ABCA9: variants seen among roughly 807,000 people sequenced by gnomAD.
ABCA9 encodes ATP-binding cassette sub-family A member 9.
A neutral mutation model predicts 205.3 loss-of-function variants in ABCA9; 183 were observed. The observed-to-expected ratio is 0.89, with a 90% CI of 0.79 to 1.01. ABCA9 has a LOEUF of 1.01. ABCA9 is among the 50% of genes least tolerant of loss of function. ABCA9 has a pLI of 0.00. For missense variants in ABCA9, 1,805 were observed against 1,912.4 expected (o/e 0.94, Z 1.05); for synonymous variants, 651 against 683.3 (o/e 0.95, Z 0.74).
chr17:68,998,294 A>G (rs2069705628), intron 25 of ABCA9, among the ~76,000 whole-genome samples: 1 of 152,206 alleles, frequency 6.6e-6, no homozygotes, highest in South Asian at 2.1e-4. Flanking sequence ...GGGCTTTTAA[A>G]ACGTTTACTT....
At chr17:68,981,585 C>A (rs1216865459) in intron 37 of ABCA9, among the ~76,000 whole-genome samples, 1 of 151,980 alleles carries the variant, frequency 6.6e-6, no homozygotes, top group Non-Finnish European at 1.5e-5. Context: ...GAAACAAAAA[C>A]CTATTTGGGT....
At chr17:69,014,094 A>G (rs1043763208) in intron 22 of ABCA9, among the ~76,000 whole-genome samples, 2 of 152,166 alleles carry the variant, frequency 1.3e-5, no homozygotes, top group African/African-American at 4.8e-5. Context: ...ATAATAGATA[A>G]TGAAACACAG....
the ABCA9 span, among the ~76,000 whole-genome samples, chr17:69,077,809 T>G: frequency 1.4e-4 from 22 of 152,288 alleles, no homozygotes; most frequent in Non-Finnish European, 3.2e-4. Context: ...TTGAATTTTT[T>G]TTTTTGGTGA....
At chr17:69,064,322 C>A (rs548652758), upstream of ABCA9, among the ~76,000 whole-genome samples, 9 of 152,258 alleles carry the variant, frequency 5.9e-5, no homozygotes, top group South Asian at 8.3e-4. Flanking sequence ...CTAGTGATAA[C>A]CCTCAAATGT....
chr17:68,990,915 C>T lies in ABCA9; in HGVS notation c.3759G>A (p.Glu1253=). The part of the protein sequence containing the change: ...RSNAIFPNPE[E]PEGEEEDIQM... ...GGATATCTTCCTCCTCTCCTTCAGG[C>T]TCTTCTGGGTTTGGAAAAATAGCGT... Residue 1253 remains glutamate, a synonymous_variant, in exon 29 of 39, where the codon GAG becomes GAA. Transcript: ENST00000340001. The T allele has an allele frequency of 6.2e-7, 1 of 1,613,924 alleles. No individual in the cohort carries two copies. Among genetic ancestry groups the T allele is most frequent in the Middle Eastern group, 1.7e-4 (1 of 6,060 alleles).
At chr17:69,007,244 T>C (rs919686181) in intron 25 of ABCA9, among the ~76,000 whole-genome samples, 3 of 151,966 alleles carry the variant, frequency 2.0e-5, no homozygotes, top group Admixed American at 1.3e-4. Flanking sequence ...CTACTAAAAA[T>C]ACAAAAATTA....
chr17:68,982,625 C>A lies in ABCA9; in HGVS notation c.4657G>T (p.Val1553Phe). ...ACATCCTCAACAGGCAACTTATAGA[C>A]CATCAGGGAGGAGAACCTGCGAAGA... The part of the protein sequence containing the change: ...AQQERFSSLM[V>F]YKLPVEDVRP... Residue 1553 changes from valine (V) to phenylalanine (F), a missense_variant, in exon 37 of 39, where the codon GTC becomes TTC. Physicochemically the swap from Val to Phe is conservative, Grantham distance 50. Transcript: ENST00000340001. 6.2e-7 allele frequency: 1 copy of A among 1,613,970 alleles called. No homozygotes were observed. The highest frequency in any genetic ancestry group is 8.5e-7 in the Non-Finnish European group (1 of 1,179,880).
At chr17:69,047,159 A>G (rs2071746709) in intron 3 of ABCA9, among the ~76,000 whole-genome samples, 1 of 151,144 alleles carries the variant, frequency 6.6e-6, no homozygotes, top group Admixed American at 6.6e-5. Flanking sequence ...ATGGGGTGTC[A>G]CCATGTTGGC....
Position 68,975,683 on chromosome 17 carries a change from T to G in ABCA9, c.*232A>C. The G allele has an allele frequency of 2.4e-6, 1 of 408,622 alleles. No individual in the cohort carries two copies. Among genetic ancestry groups the G allele is most frequent in the East Asian group, 3.6e-5 (1 of 27,618 alleles). 25.3% of individuals were successfully genotyped at this position (408,622 alleles called of 1,614,324 possible). On this transcript the variant is annotated 3_prime_UTR_variant, in exon 39 of 39. Coordinates refer to ENST00000340001, the MANE Select transcript of ABCA9 (RefSeq NM_080283.4). ...TTTAAACTTAACACAGTAGGAAACATGGGATTTGGTTGCTGGCACAAAGGC... is the reference window on the plus strand; with the variant it reads ...TTTAAACTTAACACAGTAGGAAACAGGGGATTTGGTTGCTGGCACAAAGGC...
At chr17:69,052,152 C>T (rs1196174546) in intron 1 of ABCA9, among the ~76,000 whole-genome samples, 1 of 152,126 alleles carries the variant, frequency 6.6e-6, no homozygotes, top group Admixed American at 6.6e-5. Flanking sequence ...AGGAGGATTG[C>T]TTGAAGCCAG....
At chr17:68,993,259 C>T (rs1168821154) in intron 26 of ABCA9, among the ~76,000 whole-genome samples, 175 bp from the exon 27 acceptor site, 1 of 152,228 alleles carries the variant, frequency 6.6e-6, no homozygotes, top group East Asian at 1.9e-4. Context: ...TTCTTTGCTT[C>T]CAGTGTGTCT....
chr17:68,986,287 C>G lies in ABCA9; in HGVS notation c.4085G>C (p.Gly1362Ala), dbSNP rs770384982. 1 of 1,612,644 alleles carries G rather than the reference C, an allele frequency of 6.2e-7. No homozygotes were observed. The highest frequency in any genetic ancestry group is 8.5e-7 in the Non-Finnish European group (1 of 1,179,444). The change falls in exon 32 of 39, where the codon GGC becomes GCC. Residue 1362 changes from glycine (G) to alanine (A), a missense_variant. Physicochemically the swap from Gly to Ala is moderately conservative, Grantham distance 60. Coordinates refer to ENST00000340001, the MANE Select transcript of ABCA9 (RefSeq NM_080283.4). ...CTCCTGAGGGCAGTACCCCAGGAAG[C>G]CCAGGGGTTCCCCTCCACCGCTCCC... ...LKGSGGGEPL[G>A]FLGYCPQENA...
intron 6 of ABCA9, among the ~76,000 whole-genome samples, chr17:69,036,088 T>C (rs1454081054): frequency 2.0e-5 from 3 of 152,166 alleles, no homozygotes; most frequent in Non-Finnish European, 4.4e-5. Flanking sequence ...TGGGAAGACA[T>C]CTATGCTGAT....
intron 28 of ABCA9, among the ~76,000 whole-genome samples, chr17:68,991,855 G>T (rs191358466): frequency 6.6e-6 from 1 of 152,082 alleles, no homozygotes; most frequent in South Asian, 2.1e-4. Flanking sequence ...CTTCCTTCCC[G>T]GATTGGATTA....
intron 17 of ABCA9, 97 bp downstream of exon 17, chr17:69,024,117 A>G: frequency 7.5e-7 from 1 of 1,330,896 alleles, no homozygotes; most frequent in Non-Finnish European, 1.1e-6. Context: ...TGTGCCATTC[A>G]TCTAGCAAGC....
chr17:69,001,143 C>T (rs916209184), intron 25 of ABCA9, among the ~76,000 whole-genome samples: 1 of 151,300 alleles, frequency 6.6e-6, no homozygotes, highest in African/African-American at 2.4e-5. Flanking sequence ...CTGGCCAGAA[C>T]GTCTAACACT....
At chr17:68,992,680 G>A (rs1007740992) in intron 27 of ABCA9, 3 of 235,130 alleles carry the variant, frequency 1.3e-5, no homozygotes, top group Admixed American at 1.1e-4. Context: ...ACACATGGTG[G>A]TGCATGCCTG....
intron 33 of ABCA9, 32 bp from the exon 34 acceptor site, chr17:68,985,011 C>G: frequency 6.8e-6 from 11 of 1,614,210 alleles, no homozygotes; most frequent in Non-Finnish European, 7.6e-6. Context: ...CTCTGGTTCC[C>G]ATCTACGGCA....
At chr17:69,033,935 T>C in intron 8 of ABCA9, 62 bp from the exon 9 acceptor site, 5 of 1,340,034 alleles carry the variant, frequency 3.7e-6, no homozygotes, top group Non-Finnish European at 5.2e-6. Flanking sequence ...ATTATTATTG[T>C]TTTATTTCTG....
Sources: gnomAD v4.1 joint callset for allele counts (sites outside exome capture counted in the v4.1 genomes callset) on GRCh38, gnomAD v4.1.1 for gene constraint, MANE v1.5 for transcripts, NCBI Gene and HGNC (gene_info 2026-07-23, HGNC 2026-07-21) for gene names.